ATP12A: variants seen among roughly 807,000 people sequenced by gnomAD.
The protein encoded by ATP12A is potassium-transporting ATPase alpha chain 2.
ATP12A carries 81 observed loss-of-function variants against 111.2 expected under a neutral mutation model. The observed-to-expected ratio is 0.73, with a 90% confidence interval of 0.61 to 0.88. The LOEUF is 0.88. ATP12A is among the 40% of genes least tolerant of loss of function. The probability of loss-of-function intolerance (pLI) is 0.00; values close to 1 mark genes in which losing one functional copy is unlikely to be tolerated. For missense variants in ATP12A, 1,196 were observed against 1,313.1 expected (o/e 0.91, Z 1.38); for synonymous variants, 498 against 499.8 (o/e 1.00, Z 0.05).
intron 2 of ATP12A, among the ~76,000 whole-genome samples, chr13:24,683,059 C>A (rs1874540779): frequency 6.6e-6 from 1 of 151,760 alleles, no homozygotes. Flanking sequence ...TGGGTTCAAG[C>A]GATTCTCTTG....
chr13:24,701,021 A>G, intron 13 of ATP12A, 99 bp downstream of exon 13: 3 of 1,295,098 alleles, frequency 2.3e-6, no homozygotes, highest in Non-Finnish European at 3.2e-6. Context: ...AGGTGTCTTC[A>G]AGTAAATATC....
At chr13:24,706,938 G>A (rs1393276069) in intron 15 of ATP12A, 85 bp from the exon 16 acceptor site, 5 of 1,433,726 alleles carry the variant, frequency 3.5e-6, no homozygotes, top group Non-Finnish European at 3.8e-6. Context: ...AACCTCAAGA[G>A]AAAGGGAAGT....
At chr13:24,695,433 G>C (rs1417322670) in intron 11 of ATP12A, among the ~76,000 whole-genome samples, 1 of 152,110 alleles carries the variant, frequency 6.6e-6, no homozygotes, top group African/African-American at 2.4e-5. Flanking sequence ...GGGAGCCCCA[G>C]GTCCCCATGC....
chr13:24,690,223 G>A (rs1874820172), intron 5 of ATP12A, 115 bp from the exon 6 acceptor site: 3 of 1,488,980 alleles, frequency 2.0e-6, no homozygotes, highest in Non-Finnish European at 2.7e-6. Flanking sequence ...ACTCAACAGT[G>A]AGAGTGATCA....
chr13:24,696,584 C>T (rs1448465307), intron 11 of ATP12A, among the ~76,000 whole-genome samples: 8 of 126,232 alleles, frequency 6.3e-5, no homozygotes, highest in African/African-American at 2.0e-4. Context: ...CGGTGGCGGG[C>T]GCCTGTAGTC....
chr13:24,709,279 G>GGCCCCCCCCCCCCCCCC, intron 17 of ATP12A, 85 bp from the exon 18 acceptor site: 1 of 211,220 alleles, frequency 4.7e-6, no homozygotes, highest in Non-Finnish European at 9.1e-6. Flanking sequence ...TCCAGCCAGT[G>GGCCCCCCCCCCCCCCCC]CCCCACCCAC....
At chr13:24,683,257 C>G (rs1258781643) in intron 2 of ATP12A, among the ~76,000 whole-genome samples, 1 of 152,190 alleles carries the variant, frequency 6.6e-6, no homozygotes, top group South Asian at 2.1e-4. Flanking sequence ...TGTGTCCAGC[C>G]CAAACTGGCC....
At chr13:24,707,593 GC>G (rs1164132001) in intron 17 of ATP12A, among the ~76,000 whole-genome samples, 160 bp downstream of exon 17, 5 of 152,194 alleles carry the variant, frequency 3.3e-5, no homozygotes, top group Admixed American at 6.5e-5. Context: ...CTCAGGTGGT[GC>G]CCATTCTACC....
chr13:24,706,260 T>G (rs1875626877), intron 14 of ATP12A, 53 bp from the exon 15 acceptor site: 1 of 1,592,304 alleles, frequency 6.3e-7, no homozygotes, highest in Non-Finnish European at 8.6e-7. Flanking sequence ...GGAACAGTGT[T>G]TCAACCTAAG....
At position 24,711,429 on chromosome 13, in the gene ATP12A, A is replaced by G. The variant is rs746772091; in HGVS notation, c.3091+20A>G. The G allele has an allele frequency of 1.3e-5, 21 of 1,613,858 alleles. No individual in the cohort carries two copies. In the African/African-American group the frequency reaches 2.3e-4, roughly 17 times the overall value. On this transcript the variant is annotated intron_variant, in intron 22 of 22. Coordinates refer to ENST00000381946, the MANE Select transcript of ATP12A (RefSeq NM_001676.7). ...CTGGAAGTGAGTAGCCTATGATTTT[A>G]GAGGCTCTGTTTACCCACTTCAACA...
In ATP12A at chr13:24,690,538, C is replaced by A. The variant is rs1323831792; in HGVS notation, c.681+66C>A. Reference sequence around the variant, plus strand: ...AACCTGCTGGCTCTGGGGTCTTTCCCAGCATCAGTATAAGAGGCAGGGAAT... The same window carrying A: ...AACCTGCTGGCTCTGGGGTCTTTCCAAGCATCAGTATAAGAGGCAGGGAAT... On this transcript the variant is annotated intron_variant, in intron 6 of 22. Transcript: ENST00000381946. 3 of 1,603,848 alleles carry A rather than the reference C, an allele frequency of 1.9e-6. No individual in the cohort carries two copies. In the Admixed American group the frequency reaches 5.1e-5, roughly 27 times the overall value.
chr13:24,690,448 G>A lies in ATP12A; in HGVS notation c.657G>A (p.Arg219=), dbSNP rs368557326. Residue 219 remains arginine (R), a synonymous_variant, in exon 6 of 23, where the codon AGG becomes AGA. Coordinates refer to ENST00000381946, the MANE Select transcript of ATP12A (RefSeq NM_001676.7). The part of the protein sequence containing the change: ...KGGDQIPADI[R]VLSSQGCRVD... Reference sequence around the variant, plus strand: ...GAGACCAGATCCCTGCAGACATCAGGGTGCTGTCTTCTCAGGGGTGTCGGG... The same window carrying A: ...GAGACCAGATCCCTGCAGACATCAGAGTGCTGTCTTCTCAGGGGTGTCGGG... 24 of 1,613,682 alleles carry A rather than the reference G, an allele frequency of 1.5e-5. No individual in the cohort carries two copies. The highest frequency in any genetic ancestry group is 1.6e-5 in the Non-Finnish European group (19 of 1,179,936).
chr13:24,680,847 G>A (rs377590165), intron 1 of ATP12A, 95 bp downstream of exon 1: 9 of 1,399,848 alleles, frequency 6.4e-6, no homozygotes, highest in Middle Eastern at 2.0e-4. Flanking sequence ...AAAAGGCGAA[G>A]AGGAGAAACG....
At chr13:24,688,543 C>T (rs999285351) in intron 4 of ATP12A, 21 bp downstream of exon 4, 1 of 1,498,578 alleles carries the variant, frequency 6.7e-7, no homozygotes. Flanking sequence ...GGGGTGTCCC[C>T]TCCTGGTTTT....
rs755436718 is a variant in ATP12A at position 24,707,172 on chromosome 13, C to T, written c.2319C>T (p.Ile773=). The change falls in exon 16 of 23, where the codon ATC becomes ATT. Residue 773 remains isoleucine (I), a synonymous_variant. Transcript: ENST00000381946. ...TGCTGGACGACAACTTCGCATCCAT[C>T]GTCACAGGGGTGGAGGAAGGTGAGT... ...MVLLDDNFAS[I]VTGVEEGRLI... 24 of 1,613,704 alleles carry T rather than the reference C, an allele frequency of 1.5e-5. No homozygotes were observed. Among genetic ancestry groups the T allele is most frequent in the South Asian group, 5.5e-5 (5 of 91,000 alleles).
At position 24,710,828 on chromosome 13, in the gene ATP12A, C is replaced by T. The variant is rs1323739663; in HGVS notation, c.2934C>T (p.Ile978=). The part of the protein sequence containing the change: ...KVIWVGITSQ[I]IIGLILSYGL... Reference sequence around the variant, plus strand: ...TCTGGGTGGGGATCACCTCACAGATCATCATTGGTCTGATCCTCTCCTATG... The same window carrying T: ...TCTGGGTGGGGATCACCTCACAGATTATCATTGGTCTGATCCTCTCCTATG... Residue 978 remains isoleucine, a synonymous_variant, in exon 21 of 23, where the codon ATC becomes ATT. Coordinates refer to ENST00000381946, the MANE Select transcript of ATP12A (RefSeq NM_001676.7). The T allele has an allele frequency of 1.2e-6, 2 of 1,614,096 alleles. No homozygotes were observed. Among genetic ancestry groups the T allele is most frequent in the Non-Finnish European group, 1.7e-6 (2 of 1,180,048 alleles).
intron 11 of ATP12A, among the ~76,000 whole-genome samples, chr13:24,694,859 T>TCA (rs764746154): frequency 3.4e-5 from 5 of 149,108 alleles, no homozygotes; most frequent in East Asian, 2.0e-4. Flanking sequence ...ACTCTCTCTC[T>TCA]CTCACACACA....
At chr13:24,705,003 G>C (rs1201661602) in intron 14 of ATP12A, among the ~76,000 whole-genome samples, 6 of 151,364 alleles carry the variant, frequency 4.0e-5, no homozygotes, top group Non-Finnish European at 1.5e-5. Flanking sequence ...ACTTTCTTTT[G>C]TTTTGTTTTG....
At chr13:24,705,811 A>G (rs1309382338) in intron 14 of ATP12A, among the ~76,000 whole-genome samples, 2 of 152,118 alleles carry the variant, frequency 1.3e-5, no homozygotes, top group East Asian at 1.9e-4. Context: ...CTGGGACCAC[A>G]GGCACATGCC....
Sources: allele counts gnomAD v4.1 joint callset (sites outside exome capture counted in the v4.1 genomes callset), GRCh38; gene constraint gnomAD v4.1.1; transcripts MANE v1.5; gene names NCBI Gene and HGNC (gene_info 2026-07-23, HGNC 2026-07-21).